The following EPHB1 variants were observed in gnomAD, a reference collection of about 807,000 sequenced individuals.
EPHB1 encodes the protein EPH receptor B1.
A neutral mutation model predicts 94.4 loss-of-function variants in EPHB1; 30 were observed. That is an observed-to-expected ratio of 0.32 (90% confidence interval 0.24 to 0.43). EPHB1 has a LOEUF of 0.43. EPHB1 is among the 20% of genes least tolerant of loss of function. The probability of loss-of-function intolerance (pLI) is 1.00; values close to 1 mark genes in which losing one functional copy is unlikely to be tolerated. For missense variants in EPHB1, 1,055 were observed against 1,308.3 expected, an observed-to-expected ratio of 0.81 and a Z score of 2.99; for synonymous variants, 522 against 489.1, an observed-to-expected ratio of 1.07 and a Z score of -0.89.
At position 134,895,604 on chromosome 3, in the gene EPHB1, A is replaced by C. The variant is rs981909580; in HGVS notation, c.59-30212A>C. The stretch of plus-strand genomic sequence containing the variant: ...TTACGTGCAGATACAGAATCTGAAA[A>C]CATGCACTTTTCCAGTTAAAAATGC... On this transcript the variant is annotated intron_variant, in intron 1 of 15. Coordinates refer to ENST00000398015, the MANE Select transcript of EPHB1 (RefSeq NM_004441.5). Among the ~76,000 whole-genome samples the C allele has an allele frequency of 3.3e-5, 5 of 152,250 alleles. No homozygotes were observed. In the East Asian group the frequency reaches 9.6e-4, roughly 29 times the overall value.
At position 135,135,311 on chromosome 3, in the gene EPHB1, G is replaced by A. The variant is rs115951484; in HGVS notation, c.1297+2262G>A. ...CCTAATCTATGGGCTGTGGACTGAG[G>A]AACAGGGTGCCATCGCACTGATTTG... is the stretch of plus-strand genomic sequence containing the variant. On this transcript the variant is annotated intron_variant, in intron 5 of 15. Coordinates refer to ENST00000398015, the MANE Select transcript of EPHB1 (RefSeq NM_004441.5). 5.1e-3 allele frequency among the ~76,000 whole-genome samples: 771 copies of A among 152,270 alleles called. 7 individuals carry two copies. Among genetic ancestry groups the A allele is most frequent in the South Asian group, 0.012 (56 of 4,822 alleles).
intron 14 of EPHB1, among the ~76,000 whole-genome samples, chr3:135,248,890 G>A (rs1011821599): frequency 1.3e-5 from 2 of 152,042 alleles, no homozygotes; most frequent in Non-Finnish European, 2.9e-5. Flanking sequence ...GAGAAGGTCG[G>A]CAATGGGTCT....
chr3:134,892,945 T>G (rs908781659), intron 1 of EPHB1, among the ~76,000 whole-genome samples: 1 of 152,200 alleles, frequency 6.6e-6, no homozygotes, highest in Non-Finnish European at 1.5e-5. Context: ...TTGCTCGGAC[T>G]GGGTCAAGCC....
At chr3:134,982,055 C>T (rs550053071) in intron 3 of EPHB1, among the ~76,000 whole-genome samples, 21 of 152,168 alleles carry the variant, frequency 1.4e-4, no homozygotes, top group Non-Finnish European at 2.5e-4. Flanking sequence ...TTAAGTTGCT[C>T]GTTCAATATC....
chr3:134,856,325 A>G (rs1422061117), intron 1 of EPHB1, among the ~76,000 whole-genome samples: 5 of 152,086 alleles, frequency 3.3e-5, no homozygotes, highest in Admixed American at 3.3e-4. Flanking sequence ...GAACTAGGCA[A>G]CCCAGCCTCC....
chr3:135,090,502 T>C (rs1938515881), intron 3 of EPHB1, among the ~76,000 whole-genome samples: 1 of 152,262 alleles, frequency 6.6e-6, no homozygotes, highest in Admixed American at 6.5e-5. Context: ...TGTTTCACTT[T>C]TTAAGAATTG....
chr3:134,795,753 C>T, intron 1 of EPHB1, 64 bp downstream of exon 1: 1 of 1,547,936 alleles, frequency 6.5e-7, no homozygotes, highest in Non-Finnish European at 8.9e-7. Context: ...TGCTGTGCTC[C>T]GCGGTTCGCG....
chr3:135,069,603 G>C (rs940943811), intron 3 of EPHB1, among the ~76,000 whole-genome samples: 3 of 152,158 alleles, frequency 2.0e-5, no homozygotes, highest in Non-Finnish European at 4.4e-5. Context: ...GGTTCTGGGG[G>C]TTTCAGGCCT....
chr3:135,078,257 G>A (rs940374535), intron 3 of EPHB1, among the ~76,000 whole-genome samples: 2 of 152,172 alleles, frequency 1.3e-5, no homozygotes, highest in African/African-American at 4.8e-5. Flanking sequence ...AGGAGTAAGA[G>A]AAGAAGCTGA....
chr3:134,916,710 G>T (rs1321303718), intron 1 of EPHB1, among the ~76,000 whole-genome samples: 2 of 152,142 alleles, frequency 1.3e-5, no homozygotes, highest in Non-Finnish European at 2.9e-5. Context: ...CACAAGAGCT[G>T]CACACAGCCC....
In EPHB1 at chr3:135,110,995, C is replaced by T. The variant is rs570469758; in HGVS notation, c.961+4392C>T. The stretch of plus-strand genomic sequence containing the variant: ...GAAGCAGGGTGGATGGAGAAGAGTG[C>T]ATAGGGTTTAGAGGGTAGAAATGGC... On this transcript the variant is annotated intron_variant, in intron 4 of 15. Coordinates refer to ENST00000398015, the MANE Select transcript of EPHB1 (RefSeq NM_004441.5). Among the ~76,000 whole-genome samples, 4 of 152,218 alleles carry T rather than the reference C, an allele frequency of 2.6e-5. No homozygotes were observed. The East Asian group carries it at 7.7e-4, about 29-fold the overall frequency.
At chr3:134,979,633 A>G (rs1481555989) in intron 3 of EPHB1, among the ~76,000 whole-genome samples, 1 of 151,968 alleles carries the variant, frequency 6.6e-6, no homozygotes, top group Non-Finnish European at 1.5e-5. Flanking sequence ...TGATTTTTCA[A>G]CTTTATAATG....
At position 134,946,916 on chromosome 3, in the gene EPHB1, A is replaced by G. The variant is rs546446718; in HGVS notation, c.124-4455A>G. 7.4e-4 allele frequency among the ~76,000 whole-genome samples: 113 copies of G among 152,292 alleles called. 1 individual carries two copies. Among genetic ancestry groups the G allele is most frequent in the South Asian group, 1.4e-3 (7 of 4,828 alleles). ...AACCTCTTTTCTTTATAAATTACCC[A>G]GCCTCAGGTATTCCTTTATAGCAAC... On this transcript the variant is annotated intron_variant, in intron 2 of 15. Transcript: ENST00000398015.
In EPHB1 at chr3:134,951,915, G is replaced by A. The variant is rs1260926130; in HGVS notation, c.668G>A (p.Gly223Asp). 6.2e-7 allele frequency: 1 copy of A among 1,614,018 alleles called. No homozygotes were observed. Among genetic ancestry groups the A allele is most frequent in the Non-Finnish European group, 8.5e-7 (1 of 1,179,894 alleles). Residue 223 changes from glycine to aspartate, a missense_variant, in exon 3 of 16, where the codon GGC becomes GAC. Gly to Asp is a moderately conservative substitution (Grantham distance 94). Coordinates refer to ENST00000398015, the MANE Select transcript of EPHB1 (RefSeq NM_004441.5). This position sits in a 1 kb window ranked among gnomAD's most constrained non-coding sequence, Gnocchi z 4.5. ...AGCACATCTCTGGTGATTGCTCGGG[G>A]CACATGCATCCCCAACGCAGAGGAA... is the stretch of plus-strand genomic sequence containing the variant. ...AESTSLVIARGTCIPNAEEVD... is the reference protein window; with the variant it reads ...AESTSLVIARDTCIPNAEEVD...
At chr3:135,125,969 G>A (rs1449739186) in intron 4 of EPHB1, among the ~76,000 whole-genome samples, 1 of 152,074 alleles carries the variant, frequency 6.6e-6, no homozygotes, top group African/African-American at 2.4e-5. Context: ...CTCAGACATG[G>A]TTCCTTTAAG....
At chr3:135,087,178 G>C (rs1236018799) in intron 3 of EPHB1, among the ~76,000 whole-genome samples, 2 of 152,162 alleles carry the variant, frequency 1.3e-5, no homozygotes, top group African/African-American at 4.8e-5. Flanking sequence ...TGGTGAGAGT[G>C]CTTCCAGAAA....
chr3:135,100,320 G>GAAAATTAT (rs1239901755), intron 3 of EPHB1, among the ~76,000 whole-genome samples: 1 of 152,120 alleles, frequency 6.6e-6, no homozygotes, highest in African/African-American at 2.4e-5. Flanking sequence ...CTCCACATCT[G>GAAAATTAT]AAAATTATAA....
intron 1 of EPHB1, among the ~76,000 whole-genome samples, chr3:134,830,664 G>T (rs939816582): frequency 2.6e-5 from 4 of 151,866 alleles, no homozygotes; most frequent in Non-Finnish European, 5.9e-5. Flanking sequence ...TCTCAAAAAC[G>T]AAACATGTGT....
At chr3:134,971,112 G>A (rs1870196) in intron 3 of EPHB1, among the ~76,000 whole-genome samples, 32,583 of 152,150 alleles carry the variant, frequency 0.21, 3,812 homozygotes, top group Middle Eastern at 0.33. Context: ...CGGCTAGAAT[G>A]GAAGCTTTCA....
Sources: allele counts gnomAD v4.1 joint callset (sites outside exome capture counted in the v4.1 genomes callset), GRCh38; gene constraint gnomAD v4.1.1; non-coding constraint Gnocchi (gnomAD v3.1); transcripts MANE v1.5; gene names NCBI Gene and HGNC (gene_info 2026-07-23, HGNC 2026-07-21).